The following CNTNAP2 variants were observed in gnomAD, a reference collection of about 807,000 sequenced individuals.
CNTNAP2 encodes contactin-associated protein-like 2.
CNTNAP2 carries 98 observed loss-of-function variants against 155.2 expected under a neutral mutation model. The observed-to-expected ratio is 0.63, with a 90% confidence interval of 0.54 to 0.75. The LOEUF (loss-of-function observed/expected upper bound fraction) is 0.75. CNTNAP2 is among the 30% of genes least tolerant of loss of function. The pLI, the probability that CNTNAP2 is intolerant of heterozygous loss-of-function variation, is 0.00. For synonymous variants in CNTNAP2, 651 were observed against 631.2 expected (o/e 1.03, Z -0.47); for missense variants, 1,727 against 1,688.1 (o/e 1.02, Z -0.40).
At chr7:148,279,506 T>C (rs1472528114) in intron 21 of CNTNAP2, among the ~76,000 whole-genome samples, 1 of 152,182 alleles carries the variant, frequency 6.6e-6, no homozygotes, top group Non-Finnish European at 1.5e-5. Flanking sequence ...GGGAGAGAAG[T>C]AGTTTAGGAA....
chr7:146,795,025 A>G (rs757814520), intron 2 of CNTNAP2, among the ~76,000 whole-genome samples: 1 of 152,168 alleles, frequency 6.6e-6, no homozygotes, highest in African/African-American at 2.4e-5. Flanking sequence ...AAGCAGGGGC[A>G]CCCATTGCCT....
At chr7:147,383,414 T>G (rs1174637854) in intron 9 of CNTNAP2, among the ~76,000 whole-genome samples, 3 of 152,206 alleles carry the variant, frequency 2.0e-5, no homozygotes, top group African/African-American at 7.2e-5. Flanking sequence ...TTTAGATAAG[T>G]AAGGTGGTGA....
intron 18 of CNTNAP2, among the ~76,000 whole-genome samples, chr7:148,210,387 A>G (rs945130898): frequency 6.6e-6 from 1 of 152,210 alleles, no homozygotes. Flanking sequence ...GTATTAACAC[A>G]GTTTCAGGAG....
intron 3 of CNTNAP2, among the ~76,000 whole-genome samples, chr7:147,035,124 A>G (rs574355757): frequency 7.9e-5 from 12 of 152,154 alleles, no homozygotes; most frequent in African/African-American, 2.9e-4. Flanking sequence ...ATCTCCTACT[A>G]TGAGGCACCC....
chr7:147,615,306 A>C, intron 12 of CNTNAP2, among the ~76,000 whole-genome samples: 1 of 136,408 alleles, frequency 7.3e-6, no homozygotes, highest in African/African-American at 2.7e-5. Context: ...AAAAAAAAAA[A>C]AAAAGACTAC....
intron 20 of CNTNAP2, among the ~76,000 whole-genome samples, chr7:148,263,832 G>A (rs1796620028): frequency 6.6e-6 from 1 of 151,918 alleles, no homozygotes; most frequent in South Asian, 2.1e-4. Flanking sequence ...CATAGGAAGG[G>A]AATACACTTA....
At chr7:148,026,534 C>T (rs550121949) in intron 15 of CNTNAP2, among the ~76,000 whole-genome samples, 1 of 152,214 alleles carries the variant, frequency 6.6e-6, no homozygotes, top group African/African-American at 2.4e-5. Context: ...TGAGACACAA[C>T]CTGAGTATTA....
intron 1 of CNTNAP2, among the ~76,000 whole-genome samples, chr7:146,319,068 C>T (rs931329687): frequency 3.9e-5 from 6 of 151,966 alleles, no homozygotes; most frequent in East Asian, 3.9e-4. Flanking sequence ...ATTTGAGCTC[C>T]GGCAACCTGG....
At chr7:147,528,621 G>C (rs1799372037) in intron 11 of CNTNAP2, among the ~76,000 whole-genome samples, 1 of 152,140 alleles carries the variant, frequency 6.6e-6, no homozygotes, top group Non-Finnish European at 1.5e-5. Context: ...CATGTTCCTG[G>C]TTTAATCATA....
At position 148,118,160 on chromosome 7, in the gene CNTNAP2, A is replaced by G. The variant is rs2116608312; in HGVS notation, c.2426A>G (p.Tyr809Cys). 20 of 1,614,120 alleles carry G rather than the reference A, an allele frequency of 1.2e-5. No individual in the cohort carries two copies. Among genetic ancestry groups the G allele is most frequent in the Non-Finnish European group, 1.7e-5 (20 of 1,180,014 alleles). Residue 809 changes from tyrosine to cysteine, a missense_variant, in exon 16 of 24, where the codon TAC becomes TGC. Tyr to Cys is a radical substitution (Grantham distance 194). Coordinates refer to ENST00000361727, the MANE Select transcript of CNTNAP2 (RefSeq NM_014141.6). The stretch of plus-strand genomic sequence containing the variant: ...GCCTCTTTCCCAAACCCATCCTCCT[A>G]CCTGCACTTCTCTACTTTCCAAGGG... ...NAASFPNPSS[Y>C]LHFSTFQGET...
At chr7:146,342,486 G>T (rs150842822) in intron 1 of CNTNAP2, among the ~76,000 whole-genome samples, 32 of 152,224 alleles carry the variant, frequency 2.1e-4, no homozygotes, top group African/African-American at 7.5e-4. Flanking sequence ...TTCCAAATGT[G>T]AAGTAATTAT....
At chr7:146,161,740 C>A (rs1422073769) in intron 1 of CNTNAP2, among the ~76,000 whole-genome samples, 1 of 152,214 alleles carries the variant, frequency 6.6e-6, no homozygotes, top group Non-Finnish European at 1.5e-5. Flanking sequence ...CTGGATGCAT[C>A]ACGCTACCTG....
chr7:146,550,988 T>A lies in CNTNAP2; in HGVS notation c.98-223283T>A, dbSNP rs114145561. On this transcript the variant is annotated intron_variant, in intron 1 of 23. Transcript: ENST00000361727. ...AATAATACCATGTTGACAGGCATGA[T>A]TGCGGGAAAATTTGTAGATGGTGGA... Among the ~76,000 whole-genome samples, 1,301 of 152,036 alleles carry A rather than the reference T, an allele frequency of 8.6e-3. 13 individuals are homozygous for A. The highest frequency in any genetic ancestry group is 0.03 in the African/African-American group (1,238 of 41,470).
At chr7:148,380,908 T>C (rs1300522566) in intron 21 of CNTNAP2, among the ~76,000 whole-genome samples, 1 of 152,222 alleles carries the variant, frequency 6.6e-6, no homozygotes, top group Non-Finnish European at 1.5e-5. Context: ...CCCACAGCTT[T>C]CAACTCCTCA....
At chr7:146,923,073 C>A (rs1327045935) in intron 3 of CNTNAP2, among the ~76,000 whole-genome samples, 1 of 152,084 alleles carries the variant, frequency 6.6e-6, no homozygotes, top group Non-Finnish European at 1.5e-5. Context: ...AAAATTCCAG[C>A]CTTGACTCTT....
chr7:146,659,644 G>C (rs1800053556), intron 1 of CNTNAP2, among the ~76,000 whole-genome samples: 1 of 152,096 alleles, frequency 6.6e-6, no homozygotes, highest in Admixed American at 6.5e-5. Context: ...TGTTTAAAGA[G>C]TAGATTAGTT....
chr7:147,591,631 T>G (rs1230665890), intron 12 of CNTNAP2, among the ~76,000 whole-genome samples: 1 of 152,126 alleles, frequency 6.6e-6, no homozygotes, highest in Non-Finnish European at 1.5e-5. Flanking sequence ...GTTTTCTGAT[T>G]CTAGATTATA....
chr7:147,286,286 T>G (rs1428521365), intron 8 of CNTNAP2, among the ~76,000 whole-genome samples: 4 of 152,050 alleles, frequency 2.6e-5, no homozygotes, highest in Non-Finnish European at 4.4e-5. Flanking sequence ...TTAGTCAATT[T>G]AGATTTAAGA....
chr7:147,914,723 G>A (rs775760995), intron 14 of CNTNAP2, among the ~76,000 whole-genome samples: 1 of 151,884 alleles, frequency 6.6e-6, no homozygotes, highest in Non-Finnish European at 1.5e-5. Flanking sequence ...CTAATTTTTT[G>A]TATTTTTTGT....
Sources: allele counts gnomAD v4.1 joint callset (sites outside exome capture counted in the v4.1 genomes callset), GRCh38; gene constraint gnomAD v4.1.1; transcripts MANE v1.5; gene names NCBI Gene and HGNC (gene_info 2026-07-23, HGNC 2026-07-21).